MBD5: variants seen among roughly 807,000 people sequenced by gnomAD.
MBD5 encodes methyl-CpG-binding domain protein 5.
A neutral mutation model predicts 117.3 loss-of-function variants in MBD5; 13 were observed. The ratio of observed to expected loss-of-function variants is 0.11; its 90% confidence interval spans 0.07 to 0.18. The LOEUF (loss-of-function observed/expected upper bound fraction) is 0.18. Among genes scored for constraint, MBD5 ranks in the 10% least tolerant of loss-of-function variants. MBD5 has a pLI of 1.00. For missense variants in MBD5, 1,879 were observed against 2,093.8 expected, an observed-to-expected ratio of 0.90 and a Z score of 2.00; for synonymous variants, 727 against 766.4, an observed-to-expected ratio of 0.95 and a Z score of 0.85.
intron 11 of MBD5, among the ~76,000 whole-genome samples, chr2:148,498,038 C>A (rs781724432): frequency 6.6e-6 from 1 of 152,146 alleles, no homozygotes. Context: ...TAAGCCAGGT[C>A]GCAACCCTGG....
At chr2:148,376,386 G>T (rs1267845089) in intron 4 of MBD5, among the ~76,000 whole-genome samples, 6 of 149,304 alleles carry the variant, frequency 4.0e-5, no homozygotes, top group Non-Finnish European at 7.4e-5. Context: ...TCCTGCCTCA[G>T]CCTCCCGAGT....
intron 3 of MBD5, among the ~76,000 whole-genome samples, chr2:148,251,466 G>C (rs1700463907): frequency 6.6e-6 from 1 of 152,038 alleles, no homozygotes; most frequent in Non-Finnish European, 1.5e-5. Flanking sequence ...GTTTTACAAT[G>C]AGAAAAAAGC....
chr2:148,127,354 G>A (rs1490230940), intron 1 of MBD5, among the ~76,000 whole-genome samples: 3 of 152,126 alleles, frequency 2.0e-5, no homozygotes, highest in Admixed American at 6.6e-5. Flanking sequence ...ATTAAGCCCA[G>A]CATCCATTAG....
intron 2 of MBD5, among the ~76,000 whole-genome samples, chr2:148,220,720 C>T (rs1003006886): frequency 2.6e-5 from 4 of 152,084 alleles, no homozygotes; most frequent in Non-Finnish European, 4.4e-5. Context: ...GGATATTCAT[C>T]ACCTCAAGCA....
intron 3 of MBD5, among the ~76,000 whole-genome samples, chr2:148,308,314 C>G (rs1327786681): frequency 6.6e-6 from 1 of 152,088 alleles, no homozygotes; most frequent in African/African-American, 2.4e-5. Context: ...TGTTTCTTGA[C>G]TTTTTAATGA....
At chr2:148,022,058 G>A (rs1355058557) in intron 1 of MBD5, among the ~76,000 whole-genome samples, 1 of 152,132 alleles carries the variant, frequency 6.6e-6, no homozygotes, top group Non-Finnish European at 1.5e-5. Flanking sequence ...ATTCATTGGA[G>A]AGCTCTTTTT....
chr2:148,340,085 T>G lies in MBD5; in HGVS notation c.-679-2129T>G, dbSNP rs2602353. Among the ~76,000 whole-genome samples the G allele has an allele frequency of 4.7e-3, 715 of 152,254 alleles. 8 individuals carry two copies. Among genetic ancestry groups the G allele is most frequent in the African/African-American group, 0.017 (689 of 41,560 alleles). ...CTGGCTGTTTATTCTCAGCAACTCC[T>G]TCCATTCTGCCTAAAAACTCTTTAA... On this transcript the variant is annotated intron_variant, in intron 3 of 13. Transcript: ENST00000642680.
intron 8 of MBD5, among the ~76,000 whole-genome samples, chr2:148,474,484 T>C (rs189602104): frequency 1.3e-5 from 2 of 152,280 alleles, no homozygotes; most frequent in Non-Finnish European, 2.9e-5. Context: ...CAACACAACA[T>C]AACTTTTTTC....
chr2:148,203,111 A>G (rs1461356876), intron 2 of MBD5, among the ~76,000 whole-genome samples: 1 of 151,990 alleles, frequency 6.6e-6, no homozygotes, highest in Non-Finnish European at 1.5e-5. Context: ...TCTCAAAAAA[A>G]AAAAAAAAAA....
chr2:148,228,000 G>A (rs917120854), intron 2 of MBD5, among the ~76,000 whole-genome samples: 15 of 152,184 alleles, frequency 9.9e-5, no homozygotes, highest in Non-Finnish European at 5.9e-5. Context: ...TCAGCTTAAG[G>A]AGATTTTGGG....
At chr2:148,390,582 T>TAC (rs1491081855) in intron 4 of MBD5, among the ~76,000 whole-genome samples, 22 of 148,628 alleles carry the variant, frequency 1.5e-4, no homozygotes, top group African/African-American at 4.5e-4. Flanking sequence ...TATATATATA[T>TAC]ACATACTTTT....
chr2:148,119,444 C>T (rs1414255334), intron 1 of MBD5, among the ~76,000 whole-genome samples: 1 of 152,128 alleles, frequency 6.6e-6, no homozygotes, highest in African/African-American at 2.4e-5. Flanking sequence ...AATATTTTCT[C>T]TTATCCTATG....
chr2:148,404,229 G>A (rs1361656445), intron 4 of MBD5, among the ~76,000 whole-genome samples: 2 of 151,068 alleles, frequency 1.3e-5, no homozygotes, highest in African/African-American at 2.4e-5. Flanking sequence ...AAAAACATTT[G>A]ATCTTTTTAG....
chr2:148,339,423 C>T (rs138555767), intron 3 of MBD5, among the ~76,000 whole-genome samples: 83 of 152,238 alleles, frequency 5.5e-4, no homozygotes, highest in Non-Finnish European at 9.1e-4. Flanking sequence ...GAATTTTCAT[C>T]ATCTCTGACT....
At chr2:148,471,161 A>G (rs1680784563) in intron 8 of MBD5, 3 of 152,172 alleles carry the variant, frequency 2.0e-5, no homozygotes, top group Admixed American at 2.0e-4. Context: ...AGTTTCTTGT[A>G]GAACTAAACC....
chr2:148,082,331 TCTCTGTCAAG>T (rs1438419690), intron 1 of MBD5, among the ~76,000 whole-genome samples: 1 of 152,190 alleles, frequency 6.6e-6, no homozygotes, highest in Admixed American at 6.5e-5. Context: ...CACTTATCCT[TCTCTGTCAAG>T]CTTCTTTCAA....
chr2:148,296,863 A>ATTTTTTTTTT lies in MBD5; in HGVS notation c.-679-45351_-679-45350insTTTTTTTTTT, dbSNP rs1559010681. Among the ~76,000 whole-genome samples the ATTTTTTTTTT allele has an allele frequency of 1.6e-3, 61 of 37,708 alleles. 10 individuals are homozygous for ATTTTTTTTTT. The highest frequency in any genetic ancestry group is 1.8e-3 in the Non-Finnish European group (35 of 18,962). The allele number at this position is 37,708 out of a possible 152,430, so 24.7% of individuals were successfully genotyped here. A position where few individuals can be genotyped will look rare whatever the true frequency, so the allele number is the denominator to read the frequency against. On this transcript the variant is annotated intron_variant, in intron 3 of 13. Transcript: ENST00000642680. ...TAAGCATAGTTTGCTTTAGTTCTTC[A>ATTTTTTTTTT]ATTTTTTTTTTTTTTTTTTTTGGAG...
chr2:148,286,631 G>A (rs1701374490), intron 3 of MBD5, among the ~76,000 whole-genome samples: 1 of 152,082 alleles, frequency 6.6e-6, no homozygotes, highest in Admixed American at 6.5e-5. Flanking sequence ...ATTAATTAAG[G>A]TTTGCCTCTG....
chr2:148,147,783 T>G (rs1697506257), intron 1 of MBD5, among the ~76,000 whole-genome samples: 1 of 151,936 alleles, frequency 6.6e-6, no homozygotes, highest in Non-Finnish European at 1.5e-5. Flanking sequence ...GAAGGGCCTG[T>G]GTGTGTGTGT....
Sources: allele counts gnomAD v4.1 joint callset (sites outside exome capture counted in the v4.1 genomes callset), GRCh38; gene constraint gnomAD v4.1.1; transcripts MANE v1.5; gene names NCBI Gene and HGNC (gene_info 2026-07-23, HGNC 2026-07-21).